The following CSMD3 variants were observed in gnomAD, a reference collection of about 807,000 sequenced individuals.
CSMD3 encodes the protein CUB and sushi domain-containing protein 3.
In CSMD3, 177 loss-of-function variants were observed where a neutral mutation model predicts 435.2. The observed-to-expected ratio is 0.41, with a 90% CI of 0.36 to 0.46. CSMD3 has a LOEUF of 0.46. Among genes scored for constraint, CSMD3 ranks in the 20% least tolerant of loss-of-function variants. CSMD3 has a pLI of 0.34. For synonymous variants in CSMD3, 1,656 were observed against 1,520.5 expected (o/e 1.09, Z -2.07); for missense variants, 4,265 against 4,504.6 (o/e 0.95, Z 1.52).
chr8:112,237,747 C>A (rs1409221851), intron 66 of CSMD3, among the ~76,000 whole-genome samples: 1 of 152,032 alleles, frequency 6.6e-6, no homozygotes, highest in African/African-American at 2.4e-5. Context: ...TTTTTTCCAG[C>A]AGTGGGAATA....
intron 4 of CSMD3, among the ~76,000 whole-genome samples, chr8:113,153,129 AAGAAG>A (rs2091858654): frequency 9.7e-6 from 1 of 103,566 alleles, no homozygotes. Flanking sequence ...AAGAAAGAGA[AAGAAG>A]GAAGGAAGGA....
At chr8:112,423,164 T>G (rs1019517298) in intron 32 of CSMD3, among the ~76,000 whole-genome samples, 2 of 152,034 alleles carry the variant, frequency 1.3e-5, no homozygotes, top group African/African-American at 2.4e-5. Context: ...TCAGAAACAG[T>G]CTTAAACAAT....
At chr8:112,470,087 A>C (rs16883656) in intron 32 of CSMD3, among the ~76,000 whole-genome samples, 4 of 152,182 alleles carry the variant, frequency 2.6e-5, no homozygotes, top group Admixed American at 1.3e-4. Flanking sequence ...GGTAATACGA[A>C]GAAGTCAACA....
chr8:112,294,269 T>A (rs977353897), intron 54 of CSMD3, among the ~76,000 whole-genome samples: 3 of 152,098 alleles, frequency 2.0e-5, no homozygotes, highest in Non-Finnish European at 4.4e-5. Context: ...TAAGTATACA[T>A]GCAATTGGTC....
chr8:112,420,702 A>G (rs1158297853), intron 32 of CSMD3, among the ~76,000 whole-genome samples: 1 of 152,190 alleles, frequency 6.6e-6, no homozygotes, highest in Non-Finnish European at 1.5e-5. Context: ...GCTGTTGGTG[A>G]GAGTTAATTT....
chr8:112,947,409 T>C (rs2083648966), intron 9 of CSMD3, among the ~76,000 whole-genome samples: 1 of 151,734 alleles, frequency 6.6e-6, no homozygotes, highest in Non-Finnish European at 1.5e-5. Flanking sequence ...CTCACCATTA[T>C]ATGTGGTAAA....
At chr8:113,275,143 G>A (rs2093560260) in intron 3 of CSMD3, among the ~76,000 whole-genome samples, 1 of 151,828 alleles carries the variant, frequency 6.6e-6, no homozygotes. Flanking sequence ...TCCTATTCTA[G>A]GCACTCTATA....
chr8:112,265,821 T>C (rs1311521021), intron 59 of CSMD3, among the ~76,000 whole-genome samples: 8 of 152,166 alleles, frequency 5.3e-5, no homozygotes, highest in Non-Finnish European at 1.5e-5. Flanking sequence ...ACTTAGCCCC[T>C]GAAAAGGCTA....
chr8:113,360,635 G>A (rs375085985), intron 1 of CSMD3, among the ~76,000 whole-genome samples: 5 of 144,152 alleles, frequency 3.5e-5, no homozygotes, highest in African/African-American at 1.3e-4. Context: ...GTGCAGTGGC[G>A]AGATCTCGGC....
rs113004776 is a variant in CSMD3 at position 112,281,825 on chromosome 8, G to A, written c.9332-475C>T. Reference sequence around the variant, plus strand: ...TCTATGTATATTTTTGTTTGTATAAGTACATAACTGTTTTGCATTAAAATG... The same window carrying A: ...TCTATGTATATTTTTGTTTGTATAAATACATAACTGTTTTGCATTAAAATG... On this transcript the variant is annotated intron_variant, in intron 58 of 70. Transcript: ENST00000297405. Among the ~76,000 whole-genome samples the A allele has an allele frequency of 1.1e-3, 163 of 152,182 alleles. 1 individual carries two copies. The highest frequency in any genetic ancestry group is 6.8e-3 in the Middle Eastern group (2 of 294).
chr8:113,346,201 A>T (rs1294220774), intron 1 of CSMD3, among the ~76,000 whole-genome samples: 1 of 152,018 alleles, frequency 6.6e-6, no homozygotes, highest in East Asian at 2.0e-4. Context: ...CTCTTAGTCA[A>T]TAACTGGGAT....
intron 27 of CSMD3, among the ~76,000 whole-genome samples, chr8:112,538,357 T>A (rs1317901108): frequency 6.6e-6 from 1 of 152,018 alleles, no homozygotes; most frequent in Admixed American, 6.6e-5. Context: ...CCCAGATCAA[T>A]TAAATGAGAG....
intron 45 of CSMD3, among the ~76,000 whole-genome samples, chr8:112,330,100 G>T (rs1823892168): frequency 6.6e-6 from 1 of 152,074 alleles, no homozygotes; most frequent in South Asian, 2.1e-4. Context: ...ACAGTTAAAG[G>T]CAATCGTGAC....
intron 13 of CSMD3, among the ~76,000 whole-genome samples, chr8:112,775,754 A>T (rs1195697159): frequency 1.3e-5 from 2 of 151,856 alleles, no homozygotes; most frequent in African/African-American, 2.4e-5. Flanking sequence ...TCACAAAGCA[A>T]TATATTTGTA....
At chr8:113,273,301 C>T (rs944234436) in intron 3 of CSMD3, among the ~76,000 whole-genome samples, 1 of 151,774 alleles carries the variant, frequency 6.6e-6, no homozygotes, top group Non-Finnish European at 1.5e-5. Flanking sequence ...TAAAAAAAAA[C>T]CTCAGCTCTA....
At chr8:112,736,560 C>T (rs1252111695) in intron 13 of CSMD3, among the ~76,000 whole-genome samples, 1 of 151,940 alleles carries the variant, frequency 6.6e-6, no homozygotes, top group Non-Finnish European at 1.5e-5. Context: ...TTCAGGATTC[C>T]CCTAATCTAT....
At chr8:112,284,617 A>C (rs1402083020) in intron 58 of CSMD3, among the ~76,000 whole-genome samples, 2 of 151,944 alleles carry the variant, frequency 1.3e-5, no homozygotes, top group Non-Finnish European at 2.9e-5. Flanking sequence ...TTGCTTAAGC[A>C]ATACTTTTCC....
At chr8:112,776,116 T>C (rs893108874) in intron 13 of CSMD3, among the ~76,000 whole-genome samples, 54 of 151,760 alleles carry the variant, frequency 3.6e-4, no homozygotes, top group Admixed American at 3.1e-3. Context: ...TAGAAAATGA[T>C]AGAGCCTCAT....
At chr8:112,732,751 C>T (rs2077103132) in intron 13 of CSMD3, among the ~76,000 whole-genome samples, 1 of 150,426 alleles carries the variant, frequency 6.6e-6, no homozygotes, top group Non-Finnish European at 1.5e-5. Context: ...TCCGAATAGA[C>T]TTATTTTAGA....
Sources: gnomAD v4.1 joint callset for allele counts (sites outside exome capture counted in the v4.1 genomes callset) on GRCh38, gnomAD v4.1.1 for gene constraint, MANE v1.5 for transcripts, NCBI Gene and HGNC (gene_info 2026-07-23, HGNC 2026-07-21) for gene names.